Variants in MCPH1 observed in about 807,000 individuals in gnomAD.
MCPH1 encodes the protein microcephalin 1.
MCPH1 carries 104 observed loss-of-function variants against 84.5 expected under a neutral mutation model. The observed-to-expected ratio is 1.23, with a 90% confidence interval of 1.05 to 1.45. MCPH1 has a LOEUF of 1.45. MCPH1 is among the 40% of genes most tolerant of loss of function. MCPH1 has a pLI of 0.00. For synonymous variants in MCPH1, 514 were observed against 366.8 expected, an observed-to-expected ratio of 1.40 and a Z score of -4.58; for missense variants, 1,498 against 1,005.7, an observed-to-expected ratio of 1.49 and a Z score of -6.62.
intron 9 of MCPH1, among the ~76,000 whole-genome samples, chr8:6,474,556 T>C (rs1318106952): frequency 1.3e-5 from 2 of 152,188 alleles, no homozygotes; most frequent in Non-Finnish European, 2.9e-5. Context: ...TAAAAAATTA[T>C]TGTTAAAAAA....
intron 13 of MCPH1, chr8:6,624,942 C>G (rs1022083959): frequency 3.7e-6 from 3 of 801,352 alleles, no homozygotes; most frequent in African/African-American, 1.9e-5. Flanking sequence ...GTGATGAGAT[C>G]TCAGCTCACT....
At chr8:6,439,944 A>G (rs1054960041) in intron 6 of MCPH1, among the ~76,000 whole-genome samples, 2 of 152,198 alleles carry the variant, frequency 1.3e-5, no homozygotes, top group African/African-American at 4.8e-5. Context: ...GTTTCAGTGT[A>G]TCAGATATCT....
chr8:6,565,734 G>A (rs185000010), intron 12 of MCPH1, among the ~76,000 whole-genome samples: 1 of 152,322 alleles, frequency 6.6e-6, no homozygotes, highest in East Asian at 1.9e-4. Flanking sequence ...ACCTAAAGAA[G>A]CTAATAGTGT....
chr8:6,544,948 A>G (rs1332787022), intron 12 of MCPH1, among the ~76,000 whole-genome samples: 1 of 152,152 alleles, frequency 6.6e-6, no homozygotes. Context: ...TATTATTTTG[A>G]TTTTTAAATG....
chr8:6,450,642 C>T (rs180835507), intron 8 of MCPH1, among the ~76,000 whole-genome samples: 2 of 151,938 alleles, frequency 1.3e-5, no homozygotes, highest in African/African-American at 4.8e-5. Context: ...TGCTGATTAA[C>T]AAGCTGATGA....
chr8:6,420,895 A>T (rs944583127), intron 3 of MCPH1, among the ~76,000 whole-genome samples: 1 of 152,194 alleles, frequency 6.6e-6, no homozygotes, highest in Non-Finnish European at 1.5e-5. Flanking sequence ...GAAGAGACTG[A>T]CGCAAGGGTC....
In MCPH1 at chr8:6,584,143, T is replaced by C. The variant is rs1827794730; in HGVS notation, c.2215-37311T>C. Among the ~76,000 whole-genome samples, 3 of 152,168 alleles carry C rather than the reference T, an allele frequency of 2.0e-5. No individual in the cohort carries two copies. In the South Asian group the frequency reaches 6.2e-4, roughly 32 times the overall value. On this transcript the variant is annotated intron_variant, in intron 12 of 13. Coordinates refer to ENST00000344683, the MANE Select transcript of MCPH1 (RefSeq NM_024596.5). ...TAATCTGTAATAGAAACCCTCAGAT[T>C]CCTATGGTGAATTTGTAATCAAAAG...
chr8:6,553,913 C>G (rs1348856126), intron 12 of MCPH1, among the ~76,000 whole-genome samples: 1 of 152,090 alleles, frequency 6.6e-6, no homozygotes, highest in Non-Finnish European at 1.5e-5. Context: ...TTGAATATAA[C>G]TACCAAGATA....
chr8:6,409,279 A>G lies in MCPH1; in HGVS notation c.23A>G (p.Asp8Gly), dbSNP rs541121482. The change falls in exon 2 of 14, where the codon GAT becomes GGT. Residue 8 changes from aspartate to glycine, a missense_variant and splice_region_variant. Asp to Gly is a moderately conservative substitution (Grantham distance 94). Transcript: ENST00000344683. Reference protein sequence around the residue: MAAPILKDVVAYVEVWSS... With the variant: MAAPILKGVVAYVEVWSS... ...TTTCATGTTCATATCTTGTTTTCAG[A>G]TGTAGTGGCCTATGTTGAAGTGTGG... 2.5e-6 allele frequency: 4 copies of G among 1,610,076 alleles called. No homozygotes were observed. In the Admixed American group the frequency reaches 6.7e-5, roughly 27 times the overall value.
At chr8:6,523,833 C>T (rs892342336) in intron 12 of MCPH1, among the ~76,000 whole-genome samples, 1 of 151,368 alleles carries the variant, frequency 6.6e-6, no homozygotes, top group Non-Finnish European at 1.5e-5. Flanking sequence ...CTGATTCGTC[C>T]ACCTCGGCCT....
At position 6,613,766 on chromosome 8, in the gene MCPH1, G is replaced by A. The variant is rs149472481; in HGVS notation, c.2215-7688G>A. Among the ~76,000 whole-genome samples, 381 of 152,194 alleles carry A rather than the reference G, an allele frequency of 2.5e-3. 3 individuals are homozygous for A. The highest frequency in any genetic ancestry group is 0.017 in the Middle Eastern group (5 of 294). On this transcript the variant is annotated intron_variant, in intron 12 of 13. Coordinates refer to ENST00000344683, the MANE Select transcript of MCPH1 (RefSeq NM_024596.5). ...CAGCGAGGTTGAAGTGGGCACCCCC[G>A]TCTAGCAGCACGGGGTGTGGAGCTG...
chr8:6,562,648 T>C (rs747192726), intron 12 of MCPH1: 3 of 1,550,042 alleles, frequency 1.9e-6, no homozygotes, highest in Non-Finnish European at 1.8e-6. Flanking sequence ...TTTTCCTACC[T>C]TCATTAGCCA....
At chr8:6,504,767 T>C (rs1812937853) in intron 12 of MCPH1, among the ~76,000 whole-genome samples, 1 of 152,166 alleles carries the variant, frequency 6.6e-6, no homozygotes, top group African/African-American at 2.4e-5. Context: ...AGTTTTATTA[T>C]TGTTAAGTCT....
chr8:6,416,771 A>G (rs1322878101), intron 3 of MCPH1, among the ~76,000 whole-genome samples: 2 of 152,112 alleles, frequency 1.3e-5, no homozygotes, highest in South Asian at 2.1e-4. Context: ...AGGGGGGTGG[A>G]TCACCTGAGA....
intron 12 of MCPH1, among the ~76,000 whole-genome samples, chr8:6,506,383 C>A (rs1201875471): frequency 6.6e-6 from 1 of 152,120 alleles, no homozygotes; most frequent in Non-Finnish European, 1.5e-5. Context: ...TTCCTCTCCC[C>A]AGTCTCTTTT....
intron 12 of MCPH1, among the ~76,000 whole-genome samples, chr8:6,602,423 C>T (rs1039250815): frequency 6.6e-6 from 1 of 152,074 alleles, no homozygotes; most frequent in African/African-American, 2.4e-5. Context: ...ACCTGAGCCT[C>T]AGCAGTGTCT....
In MCPH1 at chr8:6,646,006, A is replaced by C. The variant is rs546638914; in HGVS notation, c.*2957A>C. ...CTCAGATGGCTTTTTATAGAATTTG[A>C]AAAGCTGATGCTAAATCTTTTATGA... is the stretch of plus-strand genomic sequence containing the variant. On this transcript the variant is annotated 3_prime_UTR_variant, in exon 14 of 14. Coordinates refer to ENST00000344683, the MANE Select transcript of MCPH1 (RefSeq NM_024596.5). 2 of 152,386 alleles carry C rather than the reference A, an allele frequency of 1.3e-5. No individual in the cohort carries two copies. Among genetic ancestry groups the C allele is most frequent in the African/African-American group, 4.8e-5 (2 of 41,598 alleles). 9.4% of individuals were successfully genotyped at this position (152,386 alleles called of 1,614,324 possible).
intron 5 of MCPH1, 22 bp from the exon 6 acceptor site, chr8:6,438,931 T>G: frequency 6.2e-7 from 1 of 1,609,108 alleles, no homozygotes; most frequent in Non-Finnish European, 8.5e-7. Context: ...GGTCTTAAAG[T>G]GGATTTTTTG....
At position 6,418,937 on chromosome 8, in the gene MCPH1, C is replaced by T. The variant is rs139997480; in HGVS notation, c.233+4054C>T. 4.3e-3 allele frequency among the ~76,000 whole-genome samples: 647 copies of T among 152,020 alleles called. 6 individuals are homozygous for T. The highest frequency in any genetic ancestry group is 0.015 in the African/African-American group (622 of 41,444). On this transcript the variant is annotated intron_variant, in intron 3 of 13. Coordinates refer to ENST00000344683, the MANE Select transcript of MCPH1 (RefSeq NM_024596.5). ...GTAATATGTTTTGAATTGATCATTC[C>T]AGTTCTGGCTTGGCCTTTTCAACAG...
Sources: gnomAD v4.1 joint callset for allele counts (sites outside exome capture counted in the v4.1 genomes callset) on GRCh38, gnomAD v4.1.1 for gene constraint, MANE v1.5 for transcripts, NCBI Gene and HGNC (gene_info 2026-07-23, HGNC 2026-07-21) for gene names.